MRAP2: variants seen among roughly 807,000 people sequenced by gnomAD.
MRAP2 encodes the protein melanocortin-2 receptor accessory protein 2.
MRAP2 carries 20 observed loss-of-function variants against 17.4 expected under a neutral mutation model. The ratio of observed to expected loss-of-function variants is 1.15; its 90% CI spans 0.81 to 1.67. MRAP2 has a LOEUF of 1.67. MRAP2 is among the 40% of genes most tolerant of loss of function. The probability of loss-of-function intolerance (pLI) is 0.00; values close to 1 mark genes in which losing one functional copy is unlikely to be tolerated. For missense variants in MRAP2, 238 were observed against 240.0 expected (o/e 0.99, Z 0.05); for synonymous variants, 96 against 88.4 (o/e 1.09, Z -0.48).
At chr6:84,099,851 C>T in the MRAP2 span, among the ~76,000 whole-genome samples, 7 of 151,458 alleles carry the variant, frequency 4.6e-5, no homozygotes, top group Non-Finnish European at 7.4e-5. Context: ...ATATCTTCTT[C>T]TTCTCTCTCT....
chr6:84,091,826 C>A (rs73483267), downstream of MRAP2, among the ~76,000 whole-genome samples: 317 of 152,244 alleles, frequency 2.1e-3, no homozygotes, highest in African/African-American at 6.9e-3. Context: ...GGGTCAGAGA[C>A]AAAAATCTTC....
At chr6:84,092,085 G>T (rs1172236587), downstream of MRAP2, among the ~76,000 whole-genome samples, 1 of 151,296 alleles carries the variant, frequency 6.6e-6, no homozygotes, top group East Asian at 1.9e-4. Flanking sequence ...TCTTCCAGGG[G>T]TTGCTCCCAC....
chr6:84,037,744 C>T (rs965074045), intron 1 of MRAP2, among the ~76,000 whole-genome samples: 1 of 152,184 alleles, frequency 6.6e-6, no homozygotes, highest in African/African-American at 2.4e-5. Context: ...CCCTCACTGC[C>T]CAGGGCTGGT....
the MRAP2 span, among the ~76,000 whole-genome samples, chr6:84,099,249 C>G: frequency 6.8e-6 from 1 of 147,736 alleles, no homozygotes; most frequent in Non-Finnish European, 1.5e-5. Flanking sequence ...GATCTTTTCT[C>G]CAGTGTATTG....
At chr6:84,146,253 G>T in the MRAP2 span, among the ~76,000 whole-genome samples, 1 of 152,000 alleles carries the variant, frequency 6.6e-6, no homozygotes, top group Non-Finnish European at 1.5e-5. Context: ...TGTGCTGCAC[G>T]TATTAATAAA....
chr6:84,064,701 A>C (rs941994063), intron 3 of MRAP2, among the ~76,000 whole-genome samples: 26 of 152,058 alleles, frequency 1.7e-4, no homozygotes, highest in African/African-American at 5.6e-4. Context: ...GTTAGCCAGG[A>C]TGGTCTCGAT....
Position 84,053,999 on chromosome 6 carries a change from C to T in MRAP2, c.-7-1313C>T, listed in dbSNP as rs143687095. ...GGTGGAAGGGTGGTGGTGATTTTGC[C>T]TCAGCTTCCCTGAGGATTGTGCCCT... On this transcript the variant is annotated intron_variant, in intron 1 of 3. Coordinates refer to ENST00000257776, the MANE Select transcript of MRAP2 (RefSeq NM_138409.4). Among the ~76,000 whole-genome samples, 116 of 152,050 alleles carry T rather than the reference C, an allele frequency of 7.6e-4. No individual in the cohort carries two copies. The East Asian group carries it at 0.02, about 27-fold the overall frequency.
At chr6:84,106,685 G>A in the MRAP2 span, among the ~76,000 whole-genome samples, 7 of 152,178 alleles carry the variant, frequency 4.6e-5, no homozygotes, top group Non-Finnish European at 1.0e-4. Flanking sequence ...CTGGGAGAAA[G>A]AAGACAATAT....
intron 1 of MRAP2, among the ~76,000 whole-genome samples, chr6:84,050,331 GAC>G (rs1195720965): frequency 6.6e-6 from 1 of 152,138 alleles, no homozygotes; most frequent in East Asian, 1.9e-4. Context: ...GCCCTGGGAG[GAC>G]ACTGTGGCAG....
chr6:84,088,904 G>A (rs372905633), intron 3 of MRAP2, among the ~76,000 whole-genome samples, 187 bp from the exon 4 acceptor site: 5 of 152,062 alleles, frequency 3.3e-5, no homozygotes, highest in African/African-American at 7.3e-5. Context: ...TTTGCCTTGG[G>A]TTTATCTGTA....
chr6:84,135,671 TG>T, the MRAP2 span, among the ~76,000 whole-genome samples: 1 of 152,186 alleles, frequency 6.6e-6, no homozygotes, highest in Admixed American at 6.5e-5. Flanking sequence ...CAGACCAGCC[TG>T]GCCGACATGG....
At chr6:84,108,371 C>G in the MRAP2 span, among the ~76,000 whole-genome samples, 2 of 151,894 alleles carry the variant, frequency 1.3e-5, no homozygotes, top group African/African-American at 2.4e-5. Context: ...AGTAGCCATT[C>G]TAACTGGTGT....
Position 84,089,756 on chromosome 6 carries a change from G to A in MRAP2, c.*275G>A. 1 of 369,842 alleles carries A rather than the reference G, an allele frequency of 2.7e-6. No homozygotes were observed. The allele number at this position is 369,842 out of a possible 1,614,324, so 22.9% of individuals were successfully genotyped here. A position where few individuals can be genotyped will look rare whatever the true frequency, so the allele number is the denominator to read the frequency against. Reference sequence around the variant, plus strand: ...GTCCAACCCGTGGCATGTGTCCCAGGACAGCTTTGAATGTGGCCCAATACA... The same window carrying A: ...GTCCAACCCGTGGCATGTGTCCCAGAACAGCTTTGAATGTGGCCCAATACA... On this transcript the variant is annotated 3_prime_UTR_variant, in exon 4 of 4. Coordinates refer to ENST00000257776, the MANE Select transcript of MRAP2 (RefSeq NM_138409.4).
chr6:84,077,976 T>A (rs1327472516), intron 3 of MRAP2, among the ~76,000 whole-genome samples: 2 of 152,176 alleles, frequency 1.3e-5, no homozygotes, highest in Admixed American at 6.5e-5. Context: ...AAACCAAATT[T>A]TGAACGTTAC....
the MRAP2 span, among the ~76,000 whole-genome samples, chr6:84,121,077 ATT>A: frequency 5.2e-4 from 74 of 141,742 alleles, no homozygotes; most frequent in African/African-American, 4.9e-4. Context: ...TTATTTTTTA[ATT>A]TTTTTTTTTT....
At chr6:84,045,707 G>A (rs2099488829) in intron 1 of MRAP2, among the ~76,000 whole-genome samples, 1 of 152,038 alleles carries the variant, frequency 6.6e-6, no homozygotes, top group Admixed American at 6.6e-5. Context: ...AGGTTGCATT[G>A]AGCTGAGATC....
intron 1 of MRAP2, among the ~76,000 whole-genome samples, chr6:84,052,385 T>C (rs1322053849): frequency 6.6e-6 from 1 of 152,166 alleles, no homozygotes; most frequent in African/African-American, 2.4e-5. Context: ...CTCTGGGGGC[T>C]GCTACTTGGA....
the MRAP2 span, among the ~76,000 whole-genome samples, chr6:84,136,437 G>A: frequency 2.0e-5 from 3 of 152,164 alleles, no homozygotes; most frequent in Non-Finnish European, 4.4e-5. Flanking sequence ...CTTCTATCAT[G>A]AGCCCACTCC....
chr6:84,123,937 C>T, the MRAP2 span, among the ~76,000 whole-genome samples: 1 of 152,066 alleles, frequency 6.6e-6, no homozygotes, highest in African/African-American at 2.4e-5. Flanking sequence ...AACAGAAATA[C>T]AACTGACCAA....
Sources: allele counts gnomAD v4.1 joint callset (sites outside exome capture counted in the v4.1 genomes callset), GRCh38; gene constraint gnomAD v4.1.1; transcripts MANE v1.5; gene names NCBI Gene and HGNC (gene_info 2026-07-23, HGNC 2026-07-21).